MED1: variants seen among roughly 807,000 people sequenced by gnomAD.
MED1 encodes the protein mediator complex subunit 1, also known as mediator of RNA polymerase II transcription subunit 1.
Under a neutral mutation model 121.3 loss-of-function variants are expected in MED1, and 17 were observed. The observed-to-expected ratio is 0.14, with a 90% confidence interval of 0.10 to 0.21. The LOEUF (loss-of-function observed/expected upper bound fraction) is 0.21. Ranked by LOEUF, MED1 falls within the 10% of genes least tolerant of loss-of-function variation. The probability of loss-of-function intolerance (pLI) is 1.00; values close to 1 mark genes in which losing one functional copy is unlikely to be tolerated. For missense variants in MED1, 1,558 were observed against 1,919.4 expected, an observed-to-expected ratio of 0.81 and a Z score of 3.52; for synonymous variants, 661 against 694.4, an observed-to-expected ratio of 0.95 and a Z score of 0.76.
intron 9 of MED1, among the ~76,000 whole-genome samples, chr17:39,429,912 T>C (rs1052003633): frequency 1.3e-5 from 2 of 151,936 alleles, no homozygotes; most frequent in Admixed American, 6.6e-5. Context: ...AGTAAGACCA[T>C]GTCTCTATAA....
At chr17:39,419,691 T>A in intron 14 of MED1, 26 bp downstream of exon 14, 1 of 1,579,534 alleles carries the variant, frequency 6.3e-7, no homozygotes, top group Non-Finnish European at 8.7e-7. Flanking sequence ...CATCTTCCAG[T>A]AAGCATATCA....
At chr17:39,433,504 T>A (rs1487359055) in intron 7 of MED1, among the ~76,000 whole-genome samples, 2 of 151,348 alleles carry the variant, frequency 1.3e-5, no homozygotes, top group East Asian at 3.9e-4. Context: ...AACATTAATT[T>A]TTAAAATAAA....
In MED1 at chr17:39,439,291, A is replaced by G. The variant is rs191783302; in HGVS notation, c.400-98T>C. 3.2e-5 allele frequency: 29 copies of G among 904,418 alleles called. No individual in the cohort carries two copies. In the East Asian group the frequency reaches 7.9e-4, roughly 25 times the overall value. The allele number at this position is 904,418 out of a possible 1,614,324, so 56.0% of individuals were successfully genotyped here. A position where few individuals can be genotyped will look rare whatever the true frequency, so the allele number is the denominator to read the frequency against. The stretch of plus-strand genomic sequence containing the variant: ...CTTTTTCTATAGCACATGTTTTACA[A>G]CAAAACCATTAAAACTACAGATGGT... On this transcript the variant is annotated intron_variant, in intron 5 of 16. Transcript: ENST00000300651.
Position 39,408,432 on chromosome 17 carries a change from AGAT to A in MED1, c.3786_3788del (p.Ser1263del). The A allele has an allele frequency of 6.2e-7, 1 of 1,614,164 alleles. No individual in the cohort carries two copies. On this transcript the variant is annotated inframe_deletion, in exon 17 of 17. Coordinates refer to ENST00000300651, the MANE Select transcript of MED1 (RefSeq NM_004774.4). This position sits in a 1 kb window ranked among gnomAD's most constrained non-coding sequence, Gnocchi z 4.7. ...AGGAGGAAGATGCCGTACAGGAATTAGATGATGGGGGAGTTTTCTGGGACAACG... is the reference window on the plus strand; with the variant it reads ...AGGAGGAAGATGCCGTACAGGAATTAGATGGGGGAGTTTTCTGGGACAACG...
chr17:39,418,978 G>A lies in MED1; in HGVS notation c.1297+739C>T, dbSNP rs1008522541. ...AATTTTTGTATTTTTAGTAGAGACT[G>A]GGTTTCACTAGTTGGCCAGGATGGT... On this transcript the variant is annotated intron_variant, in intron 14 of 16. Coordinates refer to ENST00000300651, the MANE Select transcript of MED1 (RefSeq NM_004774.4). 2.9e-5 allele frequency among the ~76,000 whole-genome samples: 4 copies of A among 139,836 alleles called. No homozygotes were observed. The South Asian group carries it at 9.1e-4, about 32-fold the overall frequency. 91.7% of individuals were successfully genotyped at this position (139,836 alleles called of 152,430 possible).
chr17:39,444,957 A>G (rs1203021826), intron 2 of MED1, among the ~76,000 whole-genome samples: 1 of 152,140 alleles, frequency 6.6e-6, no homozygotes, highest in Admixed American at 6.5e-5. Flanking sequence ...TCTGAAAAAC[A>G]TTCCAGTCCC....
chr17:39,416,203 C>T (rs902735844), intron 14 of MED1, among the ~76,000 whole-genome samples: 1 of 152,034 alleles, frequency 6.6e-6, no homozygotes, highest in Non-Finnish European at 1.5e-5. Flanking sequence ...TTCAATTTTC[C>T]AAGATGAAGA....
Position 39,404,952 on chromosome 17 carries a change from G to T in MED1, c.*2523C>A, listed in dbSNP as rs1047875741. The T allele has an allele frequency of 1.1e-5, 3 of 262,312 alleles. No homozygotes were observed. The highest frequency in any genetic ancestry group is 5.2e-5 in the Admixed American group (1 of 19,184). 16.2% of individuals were successfully genotyped at this position (262,312 alleles called of 1,614,324 possible). A position where few individuals can be genotyped will look rare whatever the true frequency, so the allele number is the denominator to read the frequency against. Reference sequence around the variant, plus strand: ...CTTTATGTACATCAGAGCAGGTTATGACCAAGAACCCCTAATGTTAAGTCA... The same window carrying T: ...CTTTATGTACATCAGAGCAGGTTATTACCAAGAACCCCTAATGTTAAGTCA... On this transcript the variant is annotated 3_prime_UTR_variant, in exon 17 of 17. Transcript: ENST00000300651.
At chr17:39,446,449 CAAA>C (rs71300068) in intron 2 of MED1, among the ~76,000 whole-genome samples, 5 of 61,902 alleles carry the variant, frequency 8.1e-5, no homozygotes, top group Admixed American at 2.0e-4. Context: ...CACTCCATCT[CAAA>C]AAAAAAAAAA....
At chr17:39,439,214 G>A (rs747695231) in intron 5 of MED1, 21 bp from the exon 6 acceptor site, 6 of 1,573,622 alleles carry the variant, frequency 3.8e-6, no homozygotes, top group East Asian at 2.3e-5. Context: ...AGAAAATTAT[G>A]TTAAAACATT....
At chr17:39,436,369 G>GAA (rs10712248) in intron 6 of MED1, among the ~76,000 whole-genome samples, 4 of 114,900 alleles carry the variant, frequency 3.5e-5, no homozygotes, top group African/African-American at 1.4e-4. Context: ...TCAAAAAAAA[G>GAA]AAAAAAAAAA....
In MED1 at chr17:39,404,440, T is replaced by G. The variant is rs970452653; in HGVS notation, c.*3035A>C. 1 of 152,196 alleles carries G rather than the reference T, an allele frequency of 6.6e-6. No homozygotes were observed. Among genetic ancestry groups the G allele is most frequent in the Non-Finnish European group, 1.5e-5 (1 of 68,010 alleles). The allele number at this position is 152,196 out of a possible 1,614,324, so 9.4% of individuals were successfully genotyped here. Reference sequence around the variant, plus strand: ...GGCCATATGCACAGAAAACCAAATTTGAAAGATTTTTTTAAAAAAAGACCC... The same window carrying G: ...GGCCATATGCACAGAAAACCAAATTGGAAAGATTTTTTTAAAAAAAGACCC... On this transcript the variant is annotated 3_prime_UTR_variant, in exon 17 of 17. Coordinates refer to ENST00000300651, the MANE Select transcript of MED1 (RefSeq NM_004774.4).
rs944009714 is a variant in MED1, at chr17:39,415,038, T to A, written c.1487A>T (p.Lys496Ile). ...ALICTDDFIA[K>I]VVQRCMSIPV... The stretch of plus-strand genomic sequence containing the variant: ...GGGCCAAGGCTACCTTTGAACAACT[T>A]TGGCAATGAAGTCATCTGTGCAGAT... Residue 496 changes from lysine (K) to isoleucine (I), a missense_variant, in exon 16 of 17, where the codon AAA (lysine) becomes ATA (isoleucine). By Grantham distance (102) the Lys-to-Ile change is moderately radical (BLOSUM62 -3). Transcript: ENST00000300651. The A allele has an allele frequency of 6.2e-7, 1 of 1,613,790 alleles. No homozygotes were observed. The highest frequency in any genetic ancestry group is 1.3e-5 in the African/African-American group (1 of 74,930).
chr17:39,434,736 C>T (rs2048602186), intron 6 of MED1, among the ~76,000 whole-genome samples: 1 of 152,144 alleles, frequency 6.6e-6, no homozygotes, highest in Non-Finnish European at 1.5e-5. Flanking sequence ...AGGACTTCAG[C>T]AATGCTCTCA....
In MED1 at chr17:39,423,007, A is replaced by AG. The variant is rs2048481990; in HGVS notation, c.1095+319dup. Among the ~76,000 whole-genome samples, 3 of 151,248 alleles carry AG rather than the reference A, an allele frequency of 2.0e-5. No homozygotes were observed. In the South Asian group the frequency reaches 6.2e-4, roughly 31 times the overall value. Reference sequence around the variant, plus strand: ...CAGCCTCCCGAGTAGCTGGGATTACAGGCACCCGCCACCACACACGGCTAA... The same window carrying AG: ...CAGCCTCCCGAGTAGCTGGGATTACAGGGCACCCGCCACCACACACGGCTAA... On this transcript the variant is annotated intron_variant, in intron 13 of 16. Coordinates refer to ENST00000300651, the MANE Select transcript of MED1 (RefSeq NM_004774.4).
chr17:39,424,655 T>A lies in MED1; in HGVS notation c.823A>T (p.Met275Leu), dbSNP rs2144740343. ...VYKLPIAPLI[M>L]GSHPVDNKWT... ...TTATTGTCAACTGGATGTGACCCCATAATTAATGGTGCAATTGGGAGTTTG... is the reference window on the plus strand; with the variant it reads ...TTATTGTCAACTGGATGTGACCCCAAAATTAATGGTGCAATTGGGAGTTTG... Residue 275 changes from methionine (M) to leucine (L), a missense_variant, in exon 11 of 17, where the codon ATG (methionine) becomes TTG (leucine). Coordinates refer to ENST00000300651, the MANE Select transcript of MED1 (RefSeq NM_004774.4). 1.2e-6 allele frequency: 2 copies of A among 1,602,446 alleles called. No homozygotes were observed. Among genetic ancestry groups the A allele is most frequent in the Non-Finnish European group, 1.7e-6 (2 of 1,172,722 alleles).
chr17:39,407,432 G>GT lies in MED1; in HGVS notation c.*42dup, dbSNP rs760050509. On this transcript the variant is annotated 3_prime_UTR_variant, in exon 17 of 17. Coordinates refer to ENST00000300651, the MANE Select transcript of MED1 (RefSeq NM_004774.4). Reference sequence around the variant, plus strand: ...TGGTTTGCCTATAAACTTATCAATAGTTTTTTTTCCTCTGGCCCTGTTTCT... The same window carrying GT: ...TGGTTTGCCTATAAACTTATCAATAGTTTTTTTTTCCTCTGGCCCTGTTTCT... 20 of 1,548,636 alleles carry GT rather than the reference G, an allele frequency of 1.3e-5. No homozygotes were observed. Among genetic ancestry groups the GT allele is most frequent in the African/African-American group, 4.2e-5 (3 of 72,256 alleles).
At chr17:39,417,425 G>A (rs371364065) in intron 14 of MED1, among the ~76,000 whole-genome samples, 16 of 151,802 alleles carry the variant, frequency 1.1e-4, no homozygotes, top group East Asian at 5.9e-4. Flanking sequence ...TCAGGAGATC[G>A]AGACCATCCT....
At position 39,424,839 on chromosome 17, in the gene MED1, A is replaced by G. The variant is rs188455218; in HGVS notation, c.740-101T>C. 12 of 702,720 alleles carry G rather than the reference A, an allele frequency of 1.7e-5. No homozygotes were observed. In the Middle Eastern group the frequency reaches 1.4e-3, roughly 85 times the overall value. 43.5% of individuals were successfully genotyped at this position (702,720 alleles called of 1,614,324 possible). ...AATTTTTGCAATATTTGTCAGCTAT[A>G]ATTTATCAGATGCTGTTATTCCCTT... On this transcript the variant is annotated intron_variant, in intron 10 of 16. Transcript: ENST00000300651.
Sources: gnomAD v4.1 joint callset for allele counts (sites outside exome capture counted in the v4.1 genomes callset) on GRCh38, gnomAD v4.1.1 for gene constraint, Gnocchi (gnomAD v3.1) non-coding constraint, MANE v1.5 for transcripts, NCBI Gene and HGNC (gene_info 2026-07-23, HGNC 2026-07-21) for gene names.